The following MECOM variants were observed in gnomAD, a reference collection of about 807,000 sequenced individuals.
MECOM encodes the protein MDS1 and EVI1 complex locus.
MECOM carries 13 observed loss-of-function variants against 116.3 expected under a neutral mutation model. That is an observed-to-expected ratio of 0.11 (90% CI 0.07 to 0.18). The LOEUF (loss-of-function observed/expected upper bound fraction) is 0.18. MECOM is among the 10% of genes least tolerant of loss of function. MECOM has a pLI of 1.00. For missense variants in MECOM, 1,299 were observed against 1,509.0 expected (o/e 0.86, Z 2.31); for synonymous variants, 528 against 535.2 (o/e 0.99, Z 0.19).
At chr3:169,319,417 C>T (rs1303850095) in intron 2 of MECOM, among the ~76,000 whole-genome samples, 1 of 151,894 alleles carries the variant, frequency 6.6e-6, no homozygotes, top group Non-Finnish European at 1.5e-5. Flanking sequence ...CACACTGGGG[C>T]CTGTCAGGGG....
At chr3:169,492,174 T>C (rs1319082769) in intron 1 of MECOM, among the ~76,000 whole-genome samples, 1 of 152,160 alleles carries the variant, frequency 6.6e-6, no homozygotes, top group African/African-American at 2.4e-5. Flanking sequence ...AGATGCACAG[T>C]GTTGAAAATA....
chr3:169,364,904 C>T (rs1728900148), intron 2 of MECOM, among the ~76,000 whole-genome samples: 2 of 152,044 alleles, frequency 1.3e-5, no homozygotes, highest in Admixed American at 1.3e-4. Flanking sequence ...AGGATGTCAT[C>T]TTTGATTCCT....
intron 1 of MECOM, among the ~76,000 whole-genome samples, chr3:169,448,129 T>C (rs980725744): frequency 3.9e-5 from 6 of 152,168 alleles, no homozygotes; most frequent in Admixed American, 1.3e-4. Flanking sequence ...CTTTAGGTCA[T>C]CACTGGAACC....
At chr3:169,539,648 T>C (rs146121583) in intron 1 of MECOM, among the ~76,000 whole-genome samples, 292 of 152,328 alleles carry the variant, frequency 1.9e-3, no homozygotes, top group African/African-American at 6.7e-3. Context: ...ACTATTCTCT[T>C]TGGATACTAT....
chr3:169,653,269 A>G (rs1775135341), intron 1 of MECOM, among the ~76,000 whole-genome samples: 1 of 152,214 alleles, frequency 6.6e-6, no homozygotes, highest in Non-Finnish European at 1.5e-5. Flanking sequence ...AACCACCATC[A>G]CCTAATCATA....
At chr3:169,520,959 T>G (rs1757278586) in intron 1 of MECOM, among the ~76,000 whole-genome samples, 1 of 152,192 alleles carries the variant, frequency 6.6e-6, no homozygotes, top group South Asian at 2.1e-4. Flanking sequence ...CACCCAATTT[T>G]TTTGAGTTGC....
At chr3:169,181,513 T>C (rs996182462) in intron 2 of MECOM, among the ~76,000 whole-genome samples, 4 of 152,152 alleles carry the variant, frequency 2.6e-5, no homozygotes, top group Admixed American at 1.3e-4. Context: ...CACCAACTCT[T>C]AACTAGGTTA....
chr3:169,452,168 C>A (rs566085728), intron 1 of MECOM, among the ~76,000 whole-genome samples: 39 of 152,066 alleles, frequency 2.6e-4, no homozygotes, highest in African/African-American at 7.5e-4. Flanking sequence ...GTCATCACTA[C>A]TCACGGCCGA....
chr3:169,087,669 A>G (rs1399186795), intron 16 of MECOM, among the ~76,000 whole-genome samples: 1 of 146,264 alleles, frequency 6.8e-6, no homozygotes, highest in African/African-American at 2.7e-5. Context: ...CAAGGATGGA[A>G]GAATGGGAAA....
intron 2 of MECOM, among the ~76,000 whole-genome samples, chr3:169,375,714 G>A (rs1406707309): frequency 6.6e-6 from 1 of 152,042 alleles, no homozygotes; most frequent in Non-Finnish European, 1.5e-5. Flanking sequence ...AAAAGCCCAG[G>A]ACCAGACAGA....
chr3:169,361,872 C>T lies in MECOM; in HGVS notation c.375+19315G>A, dbSNP rs1380742002. Among the ~76,000 whole-genome samples the T allele has an allele frequency of 2.0e-5, 3 of 151,666 alleles. No individual in the cohort carries two copies. The East Asian group carries it at 5.8e-4, about 30-fold the overall frequency. ...ACCCCGAGAAAGAATGCAGTTCATA[C>T]CTATATCTTTTCAAAGATGGCGAGG... On this transcript the variant is annotated intron_variant, in intron 2 of 16. Coordinates refer to ENST00000651503, the MANE Select transcript of MECOM (RefSeq NM_004991.4).
chr3:169,377,336 T>TCAAAC (rs200152904), intron 2 of MECOM, among the ~76,000 whole-genome samples: 20,208 of 151,466 alleles, frequency 0.13, 1,403 homozygotes, highest in East Asian at 0.23. Context: ...TGGGATCTAA[T>TCAAAC]TAAAGAGCTT....
At chr3:169,658,483 T>C (rs1469171300) in intron 1 of MECOM, among the ~76,000 whole-genome samples, 3 of 151,706 alleles carry the variant, frequency 2.0e-5, no homozygotes, top group Non-Finnish European at 2.9e-5. Context: ...TGGGTGTGAG[T>C]TTACACTGTC....
chr3:169,447,175 G>T (rs922006111), intron 1 of MECOM, among the ~76,000 whole-genome samples: 5 of 152,090 alleles, frequency 3.3e-5, no homozygotes, highest in African/African-American at 1.2e-4. Flanking sequence ...TTGACCCCTT[G>T]TGAAGATGTC....
chr3:169,562,955 T>G (rs543776410), intron 1 of MECOM, among the ~76,000 whole-genome samples: 1 of 151,428 alleles, frequency 6.6e-6, no homozygotes, highest in African/African-American at 2.4e-5. Flanking sequence ...TCCCAGCTAC[T>G]TGGGAGGCTG....
chr3:169,555,675 C>T (rs776297608), intron 1 of MECOM, among the ~76,000 whole-genome samples: 5 of 152,178 alleles, frequency 3.3e-5, no homozygotes, highest in African/African-American at 9.7e-5. Context: ...CCCAAGTTTT[C>T]GAGGTACCAT....
At chr3:169,189,523 ATAT>A (rs1346892998) in intron 2 of MECOM, among the ~76,000 whole-genome samples, 4 of 152,108 alleles carry the variant, frequency 2.6e-5, no homozygotes, top group South Asian at 2.1e-4. Context: ...ACAAAGACAA[ATAT>A]TATGGCAGCA....
At chr3:169,588,233 C>T (rs1765992131) in intron 1 of MECOM, among the ~76,000 whole-genome samples, 1 of 152,110 alleles carries the variant, frequency 6.6e-6, no homozygotes, top group African/African-American at 2.4e-5. Flanking sequence ...AAAATAAGAA[C>T]ATAAAGTGAC....
intron 2 of MECOM, among the ~76,000 whole-genome samples, chr3:169,228,319 A>G (rs1321125875): frequency 1.3e-5 from 2 of 152,236 alleles, no homozygotes; most frequent in Non-Finnish European, 2.9e-5. Context: ...TTCTAAGCTC[A>G]GTGCAATATC....
Sources: allele counts gnomAD v4.1 joint callset (sites outside exome capture counted in the v4.1 genomes callset), GRCh38; gene constraint gnomAD v4.1.1; transcripts MANE v1.5; gene names NCBI Gene and HGNC (gene_info 2026-07-23, HGNC 2026-07-21).